NALF2: variants seen among roughly 807,000 people sequenced by gnomAD.
NALF2 encodes the protein NALCN channel auxiliary factor 2.
NALF2 carries 1 observed loss-of-function variant against 24.8 expected under a neutral mutation model. The ratio of observed to expected loss-of-function variants is 0.04; its 90% confidence interval spans 0.01 to 0.19. The LOEUF is 0.19. Ranked by LOEUF, NALF2 falls within the 10% of genes least tolerant of loss-of-function variation. The pLI is 1.00. For synonymous variants in NALF2, 254 were observed against 189.8 expected (o/e 1.34, Z -2.78); for missense variants, 458 against 409.6 (o/e 1.12, Z -1.02).
intron 1 of NALF2, among the ~76,000 whole-genome samples, chrX:69,519,900 A>T (rs1930711290): frequency 1.8e-5 from 2 of 111,991 alleles, no homozygotes; most frequent in Non-Finnish European, 3.8e-5. Context: ...CTCTCACCAT[A>T]ATGAGACTGC....
At chrX:69,526,920 T>A (rs1930816780) in intron 1 of NALF2, among the ~76,000 whole-genome samples, 1 of 112,445 alleles carries the variant, frequency 8.9e-6, no homozygotes, top group South Asian at 3.7e-4. Context: ...AGAAGCTTAA[T>A]TCTAAATGCA....
chrX:69,505,947 A>G lies in NALF2; in HGVS notation c.665A>G (p.Asp222Gly). ...DRPDSLDCSL[D>G]TLMGDLLAVV... ...CCCGACAGCCTGGACTGTAGCCTGG[A>G]CACCCTGATGGGGGACCTGCTGGCC... is the stretch of plus-strand genomic sequence containing the variant. Residue 222 changes from aspartate to glycine, a missense_variant, in exon 1 of 3, where the codon GAC becomes GGC. By Grantham distance (94) the Asp-to-Gly change is moderately conservative. Transcript: ENST00000252338. 1 of 1,211,743 alleles carries G rather than the reference A, an allele frequency of 8.3e-7. No homozygotes were observed. The highest frequency in any genetic ancestry group is 1.1e-6 in the Non-Finnish European group (1 of 895,442).
intron 1 of NALF2, among the ~76,000 whole-genome samples, chrX:69,525,140 C>T (rs993149732): frequency 4.5e-5 from 5 of 112,041 alleles, no homozygotes; most frequent in Non-Finnish European, 7.5e-5. Flanking sequence ...GACGGGAGCG[C>T]CCAGCCACCA....
intron 1 of NALF2, among the ~76,000 whole-genome samples, chrX:69,516,899 C>T (rs1469913341): frequency 9.0e-6 from 1 of 111,571 alleles, no homozygotes; most frequent in African/African-American, 3.3e-5. Context: ...ATGCTATTCC[C>T]CCACATCTAC....
intron 1 of NALF2, among the ~76,000 whole-genome samples, chrX:69,515,846 A>G (rs1442733270): frequency 8.9e-6 from 1 of 112,129 alleles, no homozygotes; most frequent in African/African-American, 3.2e-5. Flanking sequence ...TGTGTCCTTT[A>G]TCTTACTTAA....
chrX:69,509,889 C>T (rs920594483), intron 1 of NALF2, among the ~76,000 whole-genome samples: 4 of 112,425 alleles, frequency 3.6e-5, no homozygotes, highest in African/African-American at 1.3e-4. Flanking sequence ...GAGCTAAGGA[C>T]GTCAACTCTC....
At chrX:69,528,862 C>G (rs1930847905) in intron 1 of NALF2, 131 bp from the exon 2 acceptor site, 1 of 601,972 alleles carries the variant, frequency 1.7e-6, no homozygotes, top group Non-Finnish European at 2.4e-6. Flanking sequence ...CCTTCTTCCT[C>G]TCTACCCCCT....
chrX:69,506,376 C>G (rs1031945474), intron 1 of NALF2, among the ~76,000 whole-genome samples: 9 of 112,648 alleles, frequency 8.0e-5, no homozygotes, highest in Non-Finnish European at 1.7e-4. Flanking sequence ...GCACCTTAGG[C>G]CTGGGGCTTC....
rs1335477621 is a variant in NALF2, at chrX:69,504,770, G to T, written c.-513G>T. 9.1e-6 allele frequency among the ~76,000 whole-genome samples: 1 copy of T among 109,340 alleles called. No individual in the cohort carries two copies. Among genetic ancestry groups the T allele is most frequent in the Admixed American group, 9.4e-5 (1 of 10,613 alleles). The allele number at this position is 109,340 out of a possible 115,157, so 94.9% of individuals were successfully genotyped here. A position where few individuals can be genotyped will look rare whatever the true frequency, so the allele number is the denominator to read the frequency against. ...CGTGGAGCGGGCAGCGGGCGGACGG[G>T]CGGGAGCGGAGCGGCGCGGGGCGAG... On this transcript the variant is annotated 5_prime_UTR_variant, in exon 1 of 3. Transcript: ENST00000252338.
Position 69,530,054 on chromosome X carries a change from A to G in NALF2, c.*98A>G. ...CTCCTCCCATGGGAGGTGTAGGATA[A>G]GGTGGGGGCGGGGGAAATGGGGGAA... On this transcript the variant is annotated 3_prime_UTR_variant, in exon 3 of 3. Coordinates refer to ENST00000252338, the MANE Select transcript of NALF2 (RefSeq NM_015686.3). 3 of 339,128 alleles carry G rather than the reference A, an allele frequency of 8.8e-6. No homozygotes were observed. The highest frequency in any genetic ancestry group is 1.5e-5 in the Non-Finnish European group (3 of 204,719). 27.9% of individuals were successfully genotyped at this position (339,128 alleles called of 1,213,427 possible). A position where few individuals can be genotyped will look rare whatever the true frequency, so the allele number is the denominator to read the frequency against.
intron 1 of NALF2, among the ~76,000 whole-genome samples, chrX:69,508,705 T>A (rs581299): frequency 1.3e-4 from 14 of 110,036 alleles, no homozygotes; most frequent in Non-Finnish European, 2.1e-4. Context: ...CTCTCCTCAG[T>A]CCCTCACCCC....
chrX:69,520,290 A>G (rs938689373), intron 1 of NALF2, among the ~76,000 whole-genome samples: 1 of 112,223 alleles, frequency 8.9e-6, no homozygotes, highest in Admixed American at 9.5e-5. Context: ...ACATCTGCTC[A>G]TGATAGTCAC....
rs1171941 is a variant in NALF2 at position 69,505,137 on chromosome X, C to G, written c.-146C>G. The G allele has an allele frequency of 0.42, 195,006 of 462,429 alleles. 35,442 individuals carry two copies. Among genetic ancestry groups the G allele is most frequent in the East Asian group, 0.88 (17,610 of 20,074 alleles). 38.1% of individuals were successfully genotyped at this position (462,429 alleles called of 1,213,427 possible). The stretch of plus-strand genomic sequence containing the variant: ...CGACTCCGGCCTGAGCGGGGCATCG[C>G]GCCGGCCGGCCTGCCTCACCATGCA... On this transcript the variant is annotated 5_prime_UTR_variant, in exon 1 of 3. Transcript: ENST00000252338.
In NALF2 at chrX:69,505,055, C is replaced by A. The variant is rs909991795; in HGVS notation, c.-228C>A. On this transcript the variant is annotated 5_prime_UTR_variant, in exon 1 of 3. Transcript: ENST00000252338. ...CGCCTAGCGGGCCGGGCGGCGGCGC[C>A]CGGGCTGAGAGCGACGGAGCGCGGG... Among the ~76,000 whole-genome samples, 1 of 105,732 alleles carries A rather than the reference C, an allele frequency of 9.5e-6. No homozygotes were observed. The highest frequency in any genetic ancestry group is 2.0e-5 in the Non-Finnish European group (1 of 50,620). The allele number at this position is 105,732 out of a possible 115,157, so 91.8% of individuals were successfully genotyped here.
intron 1 of NALF2, among the ~76,000 whole-genome samples, chrX:69,515,169 A>G (rs1462613292): frequency 8.9e-6 from 1 of 112,023 alleles, no homozygotes; most frequent in Non-Finnish European, 1.9e-5. Context: ...TTTGTACCAA[A>G]TCTAACAATA....
At chrX:69,511,848 T>C (rs1458640786) in intron 1 of NALF2, among the ~76,000 whole-genome samples, 4 of 112,084 alleles carry the variant, frequency 3.6e-5, no homozygotes, top group African/African-American at 1.3e-4. Context: ...GCCATGCGGA[T>C]GCATGTTGGT....
chrX:69,528,557 A>G (rs185708213), intron 1 of NALF2, among the ~76,000 whole-genome samples: 69 of 112,746 alleles, frequency 6.1e-4, no homozygotes, highest in African/African-American at 2.2e-3. Context: ...TCTTGAATTT[A>G]GAAACTCAAT....
At chrX:69,516,902 A>G (rs1930670019) in intron 1 of NALF2, among the ~76,000 whole-genome samples, 2 of 111,973 alleles carry the variant, frequency 1.8e-5, no homozygotes, top group South Asian at 7.5e-4. Context: ...CTATTCCCCC[A>G]CATCTACTTA....
chrX:69,520,225 A>G (rs914428171), intron 1 of NALF2, among the ~76,000 whole-genome samples: 6 of 112,234 alleles, frequency 5.3e-5, no homozygotes. Flanking sequence ...GAGGTTTAGC[A>G]CAACAAATGG....
Sources: allele counts gnomAD v4.1 joint callset (sites outside exome capture counted in the v4.1 genomes callset), GRCh38; gene constraint gnomAD v4.1.1; transcripts MANE v1.5; gene names NCBI Gene and HGNC (gene_info 2026-07-23, HGNC 2026-07-21).